The following KCTD16 variants were observed in gnomAD, a reference collection of about 807,000 sequenced individuals.
The protein encoded by KCTD16 is potassium channel tetramerization domain containing 16.
Under a neutral mutation model 33.2 loss-of-function variants are expected in KCTD16, and 13 were observed. The ratio of observed to expected loss-of-function variants is 0.39; its 90% CI spans 0.25 to 0.62. The LOEUF is 0.62. KCTD16 is among the 20% of genes least tolerant of loss of function. The probability of loss-of-function intolerance (pLI) is 0.50; values close to 1 mark genes in which losing one functional copy is unlikely to be tolerated. For synonymous variants in KCTD16, 197 were observed against 195.3 expected (o/e 1.01, Z -0.07); for missense variants, 441 against 525.1 (o/e 0.84, Z 1.57).
At chr5:144,346,622 C>A (rs1371976145) in intron 3 of KCTD16, among the ~76,000 whole-genome samples, 1 of 152,132 alleles carries the variant, frequency 6.6e-6, no homozygotes, top group Non-Finnish European at 1.5e-5. Context: ...TGATGTTGAG[C>A]ACCTTTTCAT....
At chr5:144,459,176 T>C (rs1754138332) in intron 3 of KCTD16, among the ~76,000 whole-genome samples, 1 of 152,188 alleles carries the variant, frequency 6.6e-6, no homozygotes, top group Non-Finnish European at 1.5e-5. Flanking sequence ...GGATGGCTAA[T>C]TTATGAGCCT....
rs548704260 is a variant in KCTD16 at position 144,469,151 on chromosome 5, A to T, written c.833-4509A>T. 5.3e-5 allele frequency among the ~76,000 whole-genome samples: 8 copies of T among 152,172 alleles called. No homozygotes were observed. The East Asian group carries it at 1.5e-3, about 29-fold the overall frequency. ...AAATGCAAATTCTTTCCCGTTCTGGATTTAAGTTTATTTGATGTGTTTTCA... is the reference window on the plus strand; with the variant it reads ...AAATGCAAATTCTTTCCCGTTCTGGTTTTAAGTTTATTTGATGTGTTTTCA... On this transcript the variant is annotated intron_variant, in intron 3 of 3. Transcript: ENST00000512467.
At chr5:144,355,159 G>A (rs1236956945) in intron 3 of KCTD16, among the ~76,000 whole-genome samples, 1 of 152,084 alleles carries the variant, frequency 6.6e-6, no homozygotes. Flanking sequence ...CATGTTTACG[G>A]CTTGCCCTCC....
At chr5:144,384,448 C>T (rs1371321366) in intron 3 of KCTD16, 1 of 152,128 alleles carries the variant, frequency 6.6e-6, no homozygotes, top group African/African-American at 2.4e-5. Flanking sequence ...TATACTAATA[C>T]CTTACAATGA....
At chr5:144,403,052 C>G (rs1266881467) in intron 3 of KCTD16, among the ~76,000 whole-genome samples, 2 of 152,174 alleles carry the variant, frequency 1.3e-5, no homozygotes, top group African/African-American at 4.8e-5. Flanking sequence ...GCCTTTGTGG[C>G]TGAAAAGCCT....
At chr5:144,295,401 T>G (rs1559129) in intron 3 of KCTD16, among the ~76,000 whole-genome samples, 51,887 of 152,026 alleles carry the variant, frequency 0.34, 9,691 homozygotes, top group African/African-American at 0.49. Flanking sequence ...AACTTGTAAA[T>G]AATCAGGGAA....
In KCTD16 at chr5:144,216,547, A is replaced by G. The variant is rs181606246; in HGVS notation, c.832+9001A>G. 1.7e-3 allele frequency among the ~76,000 whole-genome samples: 254 copies of G among 152,252 alleles called. 2 individuals are homozygous for G. Among genetic ancestry groups the G allele is most frequent in the Middle Eastern group, 6.8e-3 (2 of 294 alleles). ...CTCATTGAACATAATTTGGTGGCAAAGTTAAGAGACTGTCAGCCGGGCGCG... is the reference window on the plus strand; with the variant it reads ...CTCATTGAACATAATTTGGTGGCAAGGTTAAGAGACTGTCAGCCGGGCGCG... On this transcript the variant is annotated intron_variant, in intron 3 of 3. Coordinates refer to ENST00000512467, the MANE Select transcript of KCTD16 (RefSeq NM_020768.4).
At chr5:144,275,486 T>A (rs764537823) in intron 3 of KCTD16, among the ~76,000 whole-genome samples, 1 of 152,142 alleles carries the variant, frequency 6.6e-6, no homozygotes, top group Non-Finnish European at 1.5e-5. Flanking sequence ...CTTTGGAGAT[T>A]TCTCCCCTTT....
At chr5:144,292,756 C>A (rs1298801666) in intron 3 of KCTD16, among the ~76,000 whole-genome samples, 2 of 152,098 alleles carry the variant, frequency 1.3e-5, no homozygotes, top group Non-Finnish European at 2.9e-5. Flanking sequence ...GGAGAAAAAA[C>A]TCAGGATCAA....
intron 3 of KCTD16, among the ~76,000 whole-genome samples, chr5:144,333,049 C>G (rs2126892603): frequency 6.6e-6 from 1 of 152,256 alleles, no homozygotes; most frequent in East Asian, 1.9e-4. Flanking sequence ...CTTCCCACAA[C>G]TCGTGGGAAT....
intron 3 of KCTD16, among the ~76,000 whole-genome samples, chr5:144,251,242 T>A (rs530974536): frequency 4.3e-4 from 65 of 152,170 alleles, no homozygotes; most frequent in African/African-American, 1.5e-3. Context: ...TACAGAAAGG[T>A]AGTAGGGGGT....
chr5:144,247,663 A>G (rs779372563), intron 3 of KCTD16, among the ~76,000 whole-genome samples: 4 of 152,220 alleles, frequency 2.6e-5, no homozygotes, highest in Non-Finnish European at 5.9e-5. Context: ...TACCATGATC[A>G]TGATTATTAT....
At chr5:144,182,292 C>T (rs746699199) in intron 2 of KCTD16, among the ~76,000 whole-genome samples, 8 of 152,186 alleles carry the variant, frequency 5.3e-5, no homozygotes, top group Non-Finnish European at 1.0e-4. Context: ...TGCTCTTGGA[C>T]TTCACAGCCT....
intron 2 of KCTD16, 118 bp downstream of exon 2, chr5:144,174,590 C>T (rs1752463140): frequency 6.6e-6 from 1 of 152,188 alleles, no homozygotes; most frequent in Non-Finnish European, 1.5e-5. Flanking sequence ...AGAGTTTCCT[C>T]ATCAAGTCTC....
chr5:144,395,765 C>T (rs1752555101), intron 3 of KCTD16, among the ~76,000 whole-genome samples: 1 of 152,176 alleles, frequency 6.6e-6, no homozygotes, highest in Admixed American at 6.5e-5. Flanking sequence ...CCATGGGAGG[C>T]CATCAAGCAT....
intron 3 of KCTD16, among the ~76,000 whole-genome samples, chr5:144,391,634 T>G (rs1197550833): frequency 6.6e-6 from 1 of 152,210 alleles, no homozygotes; most frequent in Non-Finnish European, 1.5e-5. Flanking sequence ...TCTTCATTTC[T>G]CTCAGCTTCC....
At chr5:144,319,217 C>T (rs1410422114) in intron 3 of KCTD16, among the ~76,000 whole-genome samples, 5 of 152,042 alleles carry the variant, frequency 3.3e-5, no homozygotes, top group African/African-American at 1.2e-4. Flanking sequence ...ATTTGATTCT[C>T]ACTTTTAGTA....
chr5:144,468,114 A>C (rs1489575815), intron 3 of KCTD16, among the ~76,000 whole-genome samples: 1 of 152,186 alleles, frequency 6.6e-6, no homozygotes, highest in Admixed American at 6.5e-5. Context: ...CTTCAGAAAC[A>C]TCAGCACCAG....
intron 3 of KCTD16, chr5:144,385,158 T>G (rs1008390063): frequency 6.6e-6 from 1 of 152,202 alleles, no homozygotes; most frequent in Non-Finnish European, 1.5e-5. Context: ...TTTTCCTCTA[T>G]TATAGCTGTC....
Sources: allele counts gnomAD v4.1 joint callset (sites outside exome capture counted in the v4.1 genomes callset), GRCh38; gene constraint gnomAD v4.1.1; transcripts MANE v1.5; gene names NCBI Gene and HGNC (gene_info 2026-07-23, HGNC 2026-07-21).